The following LACTBL1 variants were observed in gnomAD, a reference collection of about 807,000 sequenced individuals.
LACTBL1 encodes lactamase beta like 1.
Under a neutral mutation model 39.6 loss-of-function variants are expected in LACTBL1, and 29 were observed. The ratio of observed to expected loss-of-function variants is 0.73; its 90% CI spans 0.55 to 1.00. The LOEUF is 1.00. Ranked by LOEUF, LACTBL1 falls within the 50% of genes least tolerant of loss-of-function variation. LACTBL1 has a pLI of 0.00. For missense variants in LACTBL1, 711 were observed against 748.5 expected, an observed-to-expected ratio of 0.95 and a Z score of 0.59; for synonymous variants, 361 against 360.7, an observed-to-expected ratio of 1.00 and a Z score of -0.01.
chr1:22,961,966 T>C (rs750013977), intron 2 of LACTBL1, among the ~76,000 whole-genome samples: 3 of 151,684 alleles, frequency 2.0e-5, no homozygotes, highest in Non-Finnish European at 4.4e-5. Context: ...CAGGCTGCTC[T>C]TGAACTCCTG....
exon 6 of LACTBL1, chr1:22,953,679 G>A: frequency 2.3e-6 from 3 of 1,293,716 alleles, no homozygotes; most frequent in South Asian, 2.6e-5. Context: ...CGCCCGGGCA[G>A]GCCAGCAGCG....
intron 2 of LACTBL1, among the ~76,000 whole-genome samples, chr1:22,961,103 A>T (rs1340500149): frequency 1.3e-5 from 2 of 152,118 alleles, no homozygotes; most frequent in African/African-American, 4.8e-5. Context: ...AAAATACCTC[A>T]TCATTTTCAA....
intron 4 of LACTBL1, among the ~76,000 whole-genome samples, chr1:22,956,558 C>A (rs189584252): frequency 7.2e-5 from 11 of 152,194 alleles, no homozygotes; most frequent in African/African-American, 2.2e-4. Context: ...GCAGATATGA[C>A]CAAAGGCGTC....
chr1:22,958,943 G>A (rs1442131573), intron 3 of LACTBL1, 23 bp from the exon 6 acceptor site: 2 of 1,499,022 alleles, frequency 1.3e-6, no homozygotes, highest in Non-Finnish European at 1.8e-6. Flanking sequence ...GGGAATACAA[G>A]CAGTCAAAGG....
the LACTBL1 span, among the ~76,000 whole-genome samples, chr1:22,971,875 C>T: frequency 5.1e-4 from 78 of 152,190 alleles, no homozygotes; most frequent in African/African-American, 1.6e-3. Flanking sequence ...ATGCAAAGCC[C>T]ATAGAGAGCT....
chr1:22,968,293 C>G (rs531057458), upstream of LACTBL1, among the ~76,000 whole-genome samples: 1 of 152,112 alleles, frequency 6.6e-6, no homozygotes, highest in East Asian at 1.9e-4. Flanking sequence ...ATTTCACAGT[C>G]CAGTTGGGAA....
In LACTBL1 at chr1:22,965,274, C is replaced by A; in HGVS notation, c.49+16G>T. ...GGGGGCTATGGGGAGGAACTCAAGG[C>A]TGTCTCTGCACTCACCGGTCTTCAG... On this transcript the variant is annotated intron_variant, in intron 1 of 5. Coordinates refer to ENST00000426928, the Ensembl canonical transcript of LACTBL1. 1 of 1,311,720 alleles carries A rather than the reference C, an allele frequency of 7.6e-7. No homozygotes were observed. The highest frequency in any genetic ancestry group is 9.8e-7 in the Non-Finnish European group (1 of 1,023,410). 81.3% of individuals were successfully genotyped at this position (1,311,720 alleles called of 1,614,324 possible).
intron 4 of LACTBL1, 54 bp from the exon 7 acceptor site, chr1:22,955,480 G>A: frequency 8.1e-7 from 1 of 1,231,598 alleles, no homozygotes; most frequent in Non-Finnish European, 1.2e-6. Context: ...TGGGATGGTG[G>A]GCCCCTGGGT....
At chr1:22,954,980 G>A (rs1302917847) in intron 5 of LACTBL1, among the ~76,000 whole-genome samples, 4 of 152,210 alleles carry the variant, frequency 2.6e-5, no homozygotes, top group Non-Finnish European at 5.9e-5. Context: ...GGCAAAATCT[G>A]TATTCACCTT....
At chr1:22,953,901 C>T in exon 6 of LACTBL1, 1 of 1,550,240 alleles carries the variant, frequency 6.5e-7, no homozygotes, top group South Asian at 1.2e-5. Flanking sequence ...GGTCAAAGCC[C>T]GTGTCTGCCA....
At chr1:22,965,504 C>T (rs1640867965), upstream of LACTBL1, 6 of 840,488 alleles carry the variant, frequency 7.1e-6, no homozygotes, top group South Asian at 2.2e-4. Context: ...CCTGGCCCCT[C>T]CTAGGCCTCA....
chr1:22,962,552 G>A (rs563894569), intron 2 of LACTBL1, among the ~76,000 whole-genome samples: 33 of 152,222 alleles, frequency 2.2e-4, no homozygotes, highest in East Asian at 1.4e-3. Flanking sequence ...ATCATATCGC[G>A]GTGGCCTCTG....
upstream of LACTBL1, among the ~76,000 whole-genome samples, chr1:22,969,334 T>C (rs1312310308): frequency 6.6e-6 from 1 of 152,184 alleles, no homozygotes; most frequent in Non-Finnish European, 1.5e-5. Context: ...ATTTATTAAA[T>C]ACACCAACCT....
chr1:22,972,296 G>C, the LACTBL1 span: 1 of 985,166 alleles, frequency 1.0e-6, no homozygotes, highest in African/African-American at 1.7e-5. Context: ...TCTTGAGGCT[G>C]TGCCTCACCT....
At chr1:22,958,771 T>C in exon 4 of LACTBL1, 1 of 1,550,674 alleles carries the variant, frequency 6.4e-7, no homozygotes, top group Non-Finnish European at 8.7e-7. Flanking sequence ...CATCAGGCCC[T>C]GCTGTTCGGC....
intron 1 of LACTBL1, among the ~76,000 whole-genome samples, chr1:22,963,886 C>T (rs1640851745): frequency 6.6e-6 from 1 of 152,086 alleles, no homozygotes; most frequent in Admixed American, 6.6e-5. Context: ...GAGACTCCAC[C>T]CCAAAACTGA....
Position 22,963,060 on chromosome 1 carries a change from C to T in LACTBL1, c.159+47G>A, listed in dbSNP as rs755408366. Reference sequence around the variant, plus strand: ...AGAGGGACTGCCCTCCCCTTCATCACCCAGGCCCAGCCCATATGCCCAGTT... The same window carrying T: ...AGAGGGACTGCCCTCCCCTTCATCATCCAGGCCCAGCCCATATGCCCAGTT... On this transcript the variant is annotated intron_variant, in intron 2 of 5. Transcript: ENST00000426928. 4 of 1,089,820 alleles carry T rather than the reference C, an allele frequency of 3.7e-6. No individual in the cohort carries two copies. The African/African-American group carries it at 6.5e-5, about 18-fold the overall frequency. 67.5% of individuals were successfully genotyped at this position (1,089,820 alleles called of 1,614,324 possible).
chr1:22,956,607 C>T (rs1210944420), intron 4 of LACTBL1, among the ~76,000 whole-genome samples: 1 of 152,106 alleles, frequency 6.6e-6, no homozygotes, highest in East Asian at 1.9e-4. Flanking sequence ...ACCCCCTTAC[C>T]TGTGTCAATC....
upstream of LACTBL1, among the ~76,000 whole-genome samples, chr1:22,970,243 A>G (rs1360555911): frequency 1.3e-5 from 2 of 152,376 alleles, no homozygotes; most frequent in South Asian, 2.1e-4. Context: ...AAACTATAGT[A>G]CGTCTGTACA....
Sources: gnomAD v4.1 joint callset for allele counts (sites outside exome capture counted in the v4.1 genomes callset) on GRCh38, gnomAD v4.1.1 for gene constraint, MANE v1.5 for transcripts, NCBI Gene and HGNC (gene_info 2026-07-23, HGNC 2026-07-21) for gene names.